NUP155: variants seen among roughly 807,000 people sequenced by gnomAD.
NUP155 encodes nucleoporin 155.
Under a neutral mutation model 180.4 loss-of-function variants are expected in NUP155, and 71 were observed. The observed-to-expected ratio is 0.39, with a 90% confidence interval of 0.33 to 0.48. NUP155 has a LOEUF of 0.48. NUP155 is among the 20% of genes least tolerant of loss of function. The pLI is 0.91. For missense variants in NUP155, 1,553 were observed against 1,648.9 expected (o/e 0.94, Z 1.01); for synonymous variants, 582 against 559.5 (o/e 1.04, Z -0.57).
At chr5:37,329,042 T>G (rs1744786195) in intron 16 of NUP155, 148 bp downstream of exon 16, 3 of 663,884 alleles carry the variant, frequency 4.5e-6, no homozygotes, top group Non-Finnish European at 5.3e-6. Context: ...ATAGATCACT[T>G]TTAAGAATCA....
chr5:37,340,381 G>A (rs1581183565), intron 11 of NUP155, among the ~76,000 whole-genome samples: 1 of 151,852 alleles, frequency 6.6e-6, no homozygotes, highest in Admixed American at 6.6e-5. Flanking sequence ...GGAAGCGGAG[G>A]TTGCAGTGAG....
At chr5:37,320,349 T>C (rs1355793436) in intron 20 of NUP155, among the ~76,000 whole-genome samples, 1 of 152,132 alleles carries the variant, frequency 6.6e-6, no homozygotes, top group African/African-American at 2.4e-5. Context: ...TGGTGGCTCA[T>C]GCCTGTAATC....
intron 1 of NUP155, 125 bp from the exon 2 acceptor site, chr5:37,364,509 T>A: frequency 1.2e-6 from 1 of 820,624 alleles, no homozygotes; most frequent in South Asian, 1.5e-5. Flanking sequence ...ATATTCTAGT[T>A]TTGACCCAAC....
chr5:37,364,209 T>A (rs1561817380), intron 2 of NUP155, 38 bp downstream of exon 2: 1 of 1,504,058 alleles, frequency 6.6e-7, no homozygotes, highest in Admixed American at 1.7e-5. Flanking sequence ...AAATACCAAT[T>A]TTAACATTTT....
intron 26 of NUP155, 103 bp from the exon 27 acceptor site, chr5:37,304,946 C>T: frequency 1.3e-6 from 2 of 1,515,042 alleles, no homozygotes; most frequent in South Asian, 2.3e-5. Flanking sequence ...AGAATCCTTA[C>T]ATGATAACTT....
chr5:37,327,880 C>A, intron 17 of NUP155, 104 bp from the exon 18 acceptor site: 1 of 1,310,884 alleles, frequency 7.6e-7, no homozygotes, highest in Non-Finnish European at 1.1e-6. Context: ...TCTTAGAACC[C>A]ATAAAATTCA....
intron 20 of NUP155, among the ~76,000 whole-genome samples, chr5:37,318,439 C>T (rs75746838): frequency 0.025 from 3,797 of 151,416 alleles, 64 homozygotes; most frequent in Non-Finnish European, 0.039. Flanking sequence ...TATGATTCTC[C>T]AAAGAGAATG....
intron 13 of NUP155, among the ~76,000 whole-genome samples, chr5:37,332,357 T>G (rs1490694565): frequency 7.1e-6 from 1 of 140,322 alleles, no homozygotes; most frequent in Non-Finnish European, 1.5e-5. Context: ...AGTCTCGTAC[T>G]GTCTCCCAGG....
chr5:37,296,093 G>C (rs1742547278), intron 32 of NUP155, among the ~76,000 whole-genome samples: 1 of 151,218 alleles, frequency 6.6e-6, no homozygotes, highest in Non-Finnish European at 1.5e-5. Flanking sequence ...CCCCGTCCGG[G>C]AGGTGAGGGG....
intron 1 of NUP155, among the ~76,000 whole-genome samples, chr5:37,364,635 A>ATT (rs1283814747): frequency 4.5e-4 from 5 of 11,228 alleles, no homozygotes; most frequent in Non-Finnish European, 1.7e-3. Context: ...TGTTTATTTT[A>ATT]TTTTATTTTT....
At position 37,301,544 on chromosome 5, in the gene NUP155, T is replaced by G; in HGVS notation, c.3454A>C (p.Arg1152=). The change falls in exon 30 of 35, where the codon AGG becomes CGG. Residue 1152 remains arginine, a synonymous_variant. Coordinates refer to ENST00000231498, the MANE Select transcript of NUP155 (RefSeq NM_153485.3). ...HELEEKMEVA[R]IQLQIQETLQ... ...GTCTCCTGTATCTGAAGTTGGATCC[T>G]AGCAACCTAGTTTGGGCAGAAAACA... 1.3e-6 allele frequency: 2 copies of G among 1,597,408 alleles called. No individual in the cohort carries two copies. Among genetic ancestry groups the G allele is most frequent in the Non-Finnish European group, 1.7e-6 (2 of 1,164,878 alleles).
At position 37,342,493 on chromosome 5, in the gene NUP155, T is replaced by C. The variant is rs1581186980; in HGVS notation, c.1093+56A>G. The C allele has an allele frequency of 2.9e-5, 32 of 1,091,720 alleles. No homozygotes were observed. The Middle Eastern group carries it at 4.5e-3, about 154-fold the overall frequency. The allele number at this position is 1,091,720 out of a possible 1,614,324, so 67.6% of individuals were successfully genotyped here. On this transcript the variant is annotated intron_variant, in intron 10 of 34. Transcript: ENST00000231498. Reference sequence around the variant, plus strand: ...ATTTCTAATAATAAATTTCCAAATCTAAGAATTTTCAGAAGTTGTAACAGT... The same window carrying C: ...ATTTCTAATAATAAATTTCCAAATCCAAGAATTTTCAGAAGTTGTAACAGT...
chr5:37,357,815 G>C (rs1746940423), intron 4 of NUP155, among the ~76,000 whole-genome samples: 1 of 151,958 alleles, frequency 6.6e-6, no homozygotes, highest in African/African-American at 2.4e-5. Flanking sequence ...CAACATGGCG[G>C]AGCCCCGTCT....
intron 1 of NUP155, among the ~76,000 whole-genome samples, chr5:37,370,305 G>A (rs1014739459): frequency 7.2e-5 from 11 of 152,214 alleles, no homozygotes; most frequent in African/African-American, 2.7e-4. Flanking sequence ...CCAGGAGGCG[G>A]AGGTTGCAAT....
intron 11 of NUP155, among the ~76,000 whole-genome samples, chr5:37,338,136 T>C (rs1231485564): frequency 1.3e-5 from 2 of 151,708 alleles, no homozygotes; most frequent in East Asian, 2.0e-4. Flanking sequence ...CTAATCAACA[T>C]GGTGAAACCC....
At chr5:37,340,550 T>G (rs541613973) in intron 11 of NUP155, among the ~76,000 whole-genome samples, 3 of 152,124 alleles carry the variant, frequency 2.0e-5, no homozygotes, top group Non-Finnish European at 2.9e-5. Flanking sequence ...ATGGATAATA[T>G]AGACCAACAG....
rs780087434 is a variant in NUP155, at chr5:37,351,186, T to C, written c.723+4A>G. The C allele has an allele frequency of 6.2e-7, 1 of 1,612,722 alleles. No individual in the cohort carries two copies. The highest frequency in any genetic ancestry group is 8.5e-7 in the Non-Finnish European group (1 of 1,178,984). On this transcript the variant is annotated splice_donor_region_variant and intron_variant, in intron 6 of 34. Transcript: ENST00000231498. ...AAAAAAACGTTTACAAATGTCAGAC[T>C]TACCTGGTAGGCTACTTCATATAAA...
Position 37,319,284 on chromosome 5 carries a change from C to T in NUP155, c.2208-1199G>A, listed in dbSNP as rs528869295. Among the ~76,000 whole-genome samples, 3 of 152,224 alleles carry T rather than the reference C, an allele frequency of 2.0e-5. No individual in the cohort carries two copies. In the East Asian group the frequency reaches 5.8e-4, roughly 29 times the overall value. On this transcript the variant is annotated intron_variant, in intron 20 of 34. Coordinates refer to ENST00000231498, the MANE Select transcript of NUP155 (RefSeq NM_153485.3). ...GGACTGTGGTGATGGTTGCACAATT[C>T]TATGAATTTACTAAAAGTCACTGAA... is the stretch of plus-strand genomic sequence containing the variant.
At chr5:37,350,423 A>C (rs552522865) in intron 6 of NUP155, among the ~76,000 whole-genome samples, 158 bp from the exon 7 acceptor site, 3 of 152,308 alleles carry the variant, frequency 2.0e-5, no homozygotes, top group African/African-American at 7.2e-5. Flanking sequence ...ATATTATTCA[A>C]AATTAACTAC....
Sources: allele counts gnomAD v4.1 joint callset (sites outside exome capture counted in the v4.1 genomes callset), GRCh38; gene constraint gnomAD v4.1.1; transcripts MANE v1.5; gene names NCBI Gene and HGNC (gene_info 2026-07-23, HGNC 2026-07-21).